POLE: variants seen among roughly 807,000 people sequenced by gnomAD.
The protein encoded by POLE is DNA polymerase epsilon, catalytic subunit.
In POLE, 188 loss-of-function variants were observed where a neutral mutation model predicts 279.2. The ratio of observed to expected loss-of-function variants is 0.67; its 90% confidence interval spans 0.60 to 0.76. The LOEUF (loss-of-function observed/expected upper bound fraction) is 0.76, where lower values mean the gene tolerates loss of function less well. Ranked by LOEUF, POLE falls within the 30% of genes least tolerant of loss-of-function variation. POLE has a pLI of 0.00. For missense variants in POLE, 2,703 were observed against 3,016.7 expected (o/e 0.90, Z 2.44); for synonymous variants, 1,214 against 1,172.5 (o/e 1.04, Z -0.72).
intron 41 of POLE, 82 bp from the exon 42 acceptor site, chr12:132,636,106 T>A (rs4883625): frequency 2.8e-6 from 4 of 1,419,410 alleles, no homozygotes; most frequent in South Asian, 1.3e-5. Context: ...TGTATCTATC[T>A]GTACCCTCCA....
At chr12:132,657,545 T>G (rs1028055631) in intron 27 of POLE, 116 bp from the exon 28 acceptor site, 1 of 886,866 alleles carries the variant, frequency 1.1e-6, no homozygotes, top group Non-Finnish European at 1.8e-6. Flanking sequence ...TCTCAGAAAC[T>G]CTATGATGAA....
At chr12:132,645,174 G>A (rs1415179584) in intron 32 of POLE, among the ~76,000 whole-genome samples, 20 of 118,536 alleles carry the variant, frequency 1.7e-4, no homozygotes, top group Middle Eastern at 5.2e-3. Flanking sequence ...GGGTCCTGGG[G>A]GGTCTGGGAG....
chr12:132,627,993 G>A (rs1198406576), intron 45 of POLE, among the ~76,000 whole-genome samples: 1 of 152,230 alleles, frequency 6.6e-6, no homozygotes, highest in African/African-American at 2.4e-5. Flanking sequence ...TGGCAACTAA[G>A]TTTATGGAAT....
intron 45 of POLE, among the ~76,000 whole-genome samples, chr12:132,628,511 C>T (rs1445125554): frequency 1.3e-5 from 2 of 151,836 alleles, no homozygotes; most frequent in African/African-American, 2.4e-5. Flanking sequence ...AGCATTGTGG[C>T]GGGCACCTGT....
At chr12:132,666,130 T>C (rs2042791921) in intron 20 of POLE, among the ~76,000 whole-genome samples, 1 of 152,192 alleles carries the variant, frequency 6.6e-6, no homozygotes, top group Non-Finnish European at 1.5e-5. Context: ...GCAGCCCATG[T>C]TGAAACCAGG....
intron 16 of POLE, among the ~76,000 whole-genome samples, chr12:132,671,234 G>C (rs970865738): frequency 7.8e-6 from 1 of 128,824 alleles, no homozygotes; most frequent in Non-Finnish European, 1.5e-5. Context: ...TTGCACTCCA[G>C]TGTGGGTGAC....
At chr12:132,669,899 G>A (rs1241175360) in intron 16 of POLE, among the ~76,000 whole-genome samples, 2 of 152,094 alleles carry the variant, frequency 1.3e-5, no homozygotes, top group African/African-American at 2.4e-5. Flanking sequence ...GAGGACTTAG[G>A]AATCGCTAAC....
At chr12:132,633,021 A>T in intron 43 of POLE, 1 of 531,576 alleles carries the variant, frequency 1.9e-6, no homozygotes, top group Non-Finnish European at 3.3e-6. Flanking sequence ...CAGAGAGAAA[A>T]CTGTATAAAT....
chr12:132,680,934 T>A, intron 2 of POLE: 1 of 637,994 alleles, frequency 1.6e-6, no homozygotes, highest in Non-Finnish European at 2.7e-6. Flanking sequence ...CTAAAAGAGA[T>A]GCCCATCACC....
chr12:132,666,526 G>A (rs2042800440), intron 20 of POLE, among the ~76,000 whole-genome samples: 2 of 152,246 alleles, frequency 1.3e-5, no homozygotes, highest in African/African-American at 2.4e-5. Flanking sequence ...AGGCTGCAGT[G>A]AGCCAAGGTC....
chr12:132,659,594 C>A, intron 25 of POLE, 85 bp from the exon 26 acceptor site: 1 of 1,150,444 alleles, frequency 8.7e-7, no homozygotes, highest in Non-Finnish European at 1.3e-6. Flanking sequence ...CTAGGCCATG[C>A]CCTTCTCTAG....
intron 6 of POLE, among the ~76,000 whole-genome samples, chr12:132,678,526 A>G (rs2043106052): frequency 6.7e-6 from 1 of 148,720 alleles, no homozygotes. Context: ...ACAGTGAGCT[A>G]TGATTGCACC....
intron 29 of POLE, among the ~76,000 whole-genome samples, chr12:132,652,389 T>C (rs2042443411): frequency 1.3e-5 from 2 of 150,460 alleles, no homozygotes; most frequent in South Asian, 4.3e-4. Flanking sequence ...AGTGGTCATC[T>C]TGGCTCACCG....
rs775271152 is a variant in POLE, at chr12:132,657,390, C to T, written c.3418G>A (p.Ala1140Thr). 9.3e-6 allele frequency: 15 copies of T among 1,613,966 alleles called. No homozygotes were observed. The highest frequency in any genetic ancestry group is 6.7e-5 in the East Asian group (3 of 44,882). Residue 1140 changes from alanine to threonine, a missense_variant, in exon 28 of 49, where the codon GCC becomes ACC. Transcript: ENST00000320574. Reference protein sequence around the residue: ...WDYYIERLGSAIQKIITIPAA... With the variant: ...WDYYIERLGSTIQKIITIPAA... ...GGGATGGTGATGATCTTCTGGATGG[C>T]GCTTCCCAGCCGCTCAATGTAGTAG...
At chr12:132,684,976 G>A (rs1218324763) in intron 1 of POLE, among the ~76,000 whole-genome samples, 1 of 56,476 alleles carries the variant, frequency 1.8e-5, no homozygotes, top group Non-Finnish European at 4.0e-5. Context: ...GTATCACACC[G>A]TCCCAGTACT....
intron 29 of POLE, among the ~76,000 whole-genome samples, chr12:132,654,676 C>T (rs1332278073): frequency 6.6e-6 from 1 of 152,114 alleles, no homozygotes; most frequent in African/African-American, 2.4e-5. Flanking sequence ...CCTATAGTCC[C>T]AGCTATGCAG....
rs1565966836 is a variant in POLE, at chr12:132,668,935, C to T, written c.1799G>A (p.Cys600Tyr). Reference sequence around the variant, plus strand: ...GGCAAGCTTGCTCTTAATCTCATCACACACCTGCAGAGAAAGCGAAACTCA... The same window carrying T: ...GGCAAGCTTGCTCTTAATCTCATCATACACCTGCAGAGAAAGCGAAACTCA... ...VEQVTNFEEVCDEIKSKLASL... is the reference protein window; with the variant it reads ...VEQVTNFEEVYDEIKSKLASL... The change falls in exon 17 of 49, where the codon TGT becomes TAT. Residue 600 changes from cysteine (C) to tyrosine (Y), a missense_variant. By Grantham distance (194) the Cys-to-Tyr change is radical (BLOSUM62 -2). Transcript: ENST00000320574. The surrounding 1 kb of genome is among the most constrained non-coding windows in gnomAD (Gnocchi z 4.0). 8 of 1,613,926 alleles carry T rather than the reference C, an allele frequency of 5.0e-6. No individual in the cohort carries two copies. The highest frequency in any genetic ancestry group is 4.4e-5 in the South Asian group (4 of 91,066).
rs960916146 is a variant in POLE, at chr12:132,665,009, C to T, written c.2468+293G>A. Among the ~76,000 whole-genome samples, 4 of 152,230 alleles carry T rather than the reference C, an allele frequency of 2.6e-5. No homozygotes were observed. The South Asian group carries it at 6.2e-4, about 24-fold the overall frequency. Reference sequence around the variant, plus strand: ...CTGCAAGTCCCTGAGTGAGGATCCACGCTGGGAGACATGAACGCGCTGGAA... The same window carrying T: ...CTGCAAGTCCCTGAGTGAGGATCCATGCTGGGAGACATGAACGCGCTGGAA... On this transcript the variant is annotated intron_variant, in intron 21 of 48. Transcript: ENST00000320574.
intron 42 of POLE, among the ~76,000 whole-genome samples, 196 bp downstream of exon 42, chr12:132,635,675 CCCACGGCAAGCCTTGCCATCA>C (rs1471838913): frequency 6.6e-6 from 1 of 152,256 alleles, no homozygotes; most frequent in East Asian, 1.9e-4. Flanking sequence ...CTCCCTGTTG[CCCACGGCAAGCCTTGCCATCA>C]CCAGGGCTGA....
Sources: gnomAD v4.1 joint callset for allele counts (sites outside exome capture counted in the v4.1 genomes callset) on GRCh38, gnomAD v4.1.1 for gene constraint, Gnocchi (gnomAD v3.1) non-coding constraint, MANE v1.5 for transcripts, NCBI Gene and HGNC (gene_info 2026-07-23, HGNC 2026-07-21) for gene names.